Variants in CCDC30 observed in about 807,000 individuals in gnomAD.
CCDC30 encodes the protein coiled-coil domain-containing protein 30.
Under a neutral mutation model 100.2 loss-of-function variants are expected in CCDC30, and 70 were observed. The ratio of observed to expected loss-of-function variants is 0.70; its 90% CI spans 0.58 to 0.85. The LOEUF (loss-of-function observed/expected upper bound fraction) is 0.85. Among genes scored for constraint, CCDC30 ranks in the 40% least tolerant of loss-of-function variants. The pLI is 0.00. For synonymous variants in CCDC30, 233 were observed against 269.5 expected (o/e 0.86, Z 1.33); for missense variants, 652 against 771.2 (o/e 0.85, Z 1.83).
chr1:42,511,340 A>G (rs532577959), intron 6 of CCDC30, among the ~76,000 whole-genome samples: 112 of 152,294 alleles, frequency 7.4e-4, no homozygotes, highest in African/African-American at 2.7e-3. Context: ...ATCTCAGGAA[A>G]TACTATGTAA....
chr1:42,548,400 A>G (rs1645185842), intron 6 of CCDC30, among the ~76,000 whole-genome samples: 1 of 152,218 alleles, frequency 6.6e-6, no homozygotes, highest in African/African-American at 2.4e-5. Context: ...TGCAGTGGAA[A>G]GACAATGGGG....
intron 6 of CCDC30, 42 bp downstream of exon 7, chr1:42,536,643 T>A: frequency 7.4e-7 from 1 of 1,353,980 alleles, no homozygotes; most frequent in Non-Finnish European, 1.0e-6. Context: ...CTTGTAGTTC[T>A]AATTTAGGGA....
intron 6 of CCDC30, among the ~76,000 whole-genome samples, chr1:42,504,775 TTCCTAAACA>T (rs1644371229): frequency 6.6e-6 from 1 of 152,204 alleles, no homozygotes; most frequent in South Asian, 2.1e-4. Flanking sequence ...TTTCTGACTT[TTCCTAAACA>T]TCCCTCTTTT....
At chr1:42,624,426 C>G (rs928391905) in intron 11 of CCDC30, among the ~76,000 whole-genome samples, 5 of 152,134 alleles carry the variant, frequency 3.3e-5, no homozygotes, top group African/African-American at 1.2e-4. Context: ...AGGGATAAAT[C>G]CCACATGGTC....
chr1:42,520,182 AG>A (rs1483708740), intron 6 of CCDC30, among the ~76,000 whole-genome samples: 3 of 151,420 alleles, frequency 2.0e-5, no homozygotes, highest in African/African-American at 7.3e-5. Flanking sequence ...TAGTTCTTTA[AG>A]TTGTGAAGTT....
chr1:42,526,177 C>T (rs1644721538), intron 6 of CCDC30, among the ~76,000 whole-genome samples: 1 of 152,168 alleles, frequency 6.6e-6, no homozygotes, highest in Non-Finnish European at 1.5e-5. Flanking sequence ...GCAGAAATCC[C>T]TGGCAGTTGT....
intron 4 of CCDC30, among the ~76,000 whole-genome samples, chr1:42,493,453 T>G (rs951537741): frequency 6.6e-5 from 10 of 152,090 alleles, no homozygotes; most frequent in African/African-American, 2.4e-4. Context: ...CTGGGTGTGG[T>G]GGCGCATGCC....
intron 6 of CCDC30, among the ~76,000 whole-genome samples, chr1:42,504,044 C>T (rs939093916): frequency 6.6e-5 from 10 of 152,216 alleles, no homozygotes; most frequent in African/African-American, 2.4e-4. Context: ...AGCATTGTTT[C>T]TACAGATATT....
intron 11 of CCDC30, among the ~76,000 whole-genome samples, chr1:42,617,431 G>C (rs970137844): frequency 1.3e-5 from 2 of 152,142 alleles, no homozygotes; most frequent in African/African-American, 2.4e-5. Context: ...ACACCCAATG[G>C]GTTCTACTTG....
At chr1:42,600,376 CA>C (rs1338654606) in intron 10 of CCDC30, among the ~76,000 whole-genome samples, 1 of 152,140 alleles carries the variant, frequency 6.6e-6, no homozygotes, top group African/African-American at 2.4e-5. Context: ...CCTCTATCAG[CA>C]GTGGACAGGT....
chr1:42,596,493 T>C lies in CCDC30; in HGVS notation c.1164+7010T>C, dbSNP rs144177780. Among the ~76,000 whole-genome samples, 617 of 152,036 alleles carry C rather than the reference T, an allele frequency of 4.1e-3. 5 individuals carry two copies. The highest frequency in any genetic ancestry group is 0.014 in the African/African-American group (595 of 41,458). On this transcript the variant is annotated intron_variant, in intron 10 of 16. Coordinates refer to ENST00000668663, the Ensembl canonical transcript of CCDC30. This position sits in a 1 kb window ranked among gnomAD's most constrained non-coding sequence, Gnocchi z 4.3. ...AGAAATATCCAACTCCAGCCAACTC[T>C]AGCCATCTCGTCCCACAAAAGGGAG...
chr1:42,653,732 T>C, intron 16 of CCDC30, 86 bp from the exon 21 acceptor site: 8 of 957,842 alleles, frequency 8.4e-6, no homozygotes, highest in Non-Finnish European at 1.3e-5. Context: ...AAAATTGAAA[T>C]TCTATCAATG....
chr1:42,530,164 G>T (rs1267793460), intron 6 of CCDC30, among the ~76,000 whole-genome samples: 1 of 151,644 alleles, frequency 6.6e-6, no homozygotes, highest in Non-Finnish European at 1.5e-5. Flanking sequence ...AGTATCATCA[G>T]AAGGTCAGTA....
At chr1:42,578,966 G>A (rs1645902311) in intron 8 of CCDC30, among the ~76,000 whole-genome samples, 1 of 152,090 alleles carries the variant, frequency 6.6e-6, no homozygotes, top group Non-Finnish European at 1.5e-5. Flanking sequence ...TGTGTCTATG[G>A]AACAGCCATT....
At chr1:42,459,717 G>A (rs777483614), upstream of CCDC30, 1 of 1,614,148 alleles carries the variant, frequency 6.2e-7, no homozygotes, top group Admixed American at 1.7e-5. Context: ...AATTAATCGA[G>A]CTCGGAAGGC....
At chr1:42,564,519 A>ACCTCACGTGATCCACCCACCTCGG (rs370943075) in intron 6 of CCDC30, among the ~76,000 whole-genome samples, 1 of 151,038 alleles carries the variant, frequency 6.6e-6, no homozygotes, top group African/African-American at 2.4e-5. Flanking sequence ...TGAACTCCTG[A>ACCTCACGTGATCCACCCACCTCGG]CCTCCCAAAG....
chr1:42,528,346 A>G (rs1644755021), intron 6 of CCDC30, among the ~76,000 whole-genome samples: 1 of 152,180 alleles, frequency 6.6e-6, no homozygotes, highest in African/African-American at 2.4e-5. Context: ...TGTGGCCCAC[A>G]CCTTGCTCTG....
intron 10 of CCDC30, among the ~76,000 whole-genome samples, chr1:42,599,943 G>A (rs12145322): frequency 2.6e-5 from 4 of 152,262 alleles, no homozygotes; most frequent in Non-Finnish European, 4.4e-5. Flanking sequence ...TAAAGGGGAA[G>A]CAAGGCACAT....
chr1:42,542,867 A>C, intron 6 of CCDC30: 1 of 152,944 alleles, frequency 6.5e-6, no homozygotes, highest in Middle Eastern at 6.9e-4. Context: ...TTTTTCTTTA[A>C]TAAAGACAGG....
Sources: gnomAD v4.1 joint callset for allele counts (sites outside exome capture counted in the v4.1 genomes callset) on GRCh38, gnomAD v4.1.1 for gene constraint, Gnocchi (gnomAD v3.1) non-coding constraint, MANE v1.5 for transcripts, NCBI Gene and HGNC (gene_info 2026-07-23, HGNC 2026-07-21) for gene names.